Variants in SMOC2 observed in about 807,000 individuals in gnomAD.
SMOC2 encodes the protein SPARC related modular calcium binding 2.
In SMOC2, 39 loss-of-function variants were observed where a neutral mutation model predicts 61.4. The ratio of observed to expected loss-of-function variants is 0.64; its 90% CI spans 0.49 to 0.83. SMOC2 has a LOEUF of 0.83. Among genes scored for constraint, SMOC2 ranks in the 40% least tolerant of loss-of-function variants. The probability of loss-of-function intolerance (pLI) is 0.00; values close to 1 mark genes in which losing one functional copy is unlikely to be tolerated. For synonymous variants in SMOC2, 247 were observed against 239.9 expected, an observed-to-expected ratio of 1.03 and a Z score of -0.27; for missense variants, 556 against 592.9, an observed-to-expected ratio of 0.94 and a Z score of 0.65.
intron 9 of SMOC2, among the ~76,000 whole-genome samples, chr6:168,618,446 AGTGGCATTAGGAGAGTGGAGGAGAGGC>A (rs1459516774): frequency 2.0e-5 from 3 of 146,986 alleles, no homozygotes; most frequent in African/African-American, 7.7e-5. Flanking sequence ...AGAGGCGGGT[AGTGGCATTAGGAGAGTGGAGGAGAGGC>A]GGGTAGTGGC....
intron 1 of SMOC2, among the ~76,000 whole-genome samples, chr6:168,462,211 T>G (rs1781733731): frequency 6.6e-6 from 1 of 152,120 alleles, no homozygotes; most frequent in Non-Finnish European, 1.5e-5. Flanking sequence ...CAGTTTAGCT[T>G]GCTTTTAGGA....
chr6:168,531,071 T>C (rs987678511), intron 4 of SMOC2, among the ~76,000 whole-genome samples: 5 of 151,846 alleles, frequency 3.3e-5, no homozygotes, highest in Non-Finnish European at 7.4e-5. Context: ...CAACCACAAA[T>C]CCTCCCACAG....
chr6:168,471,869 A>G (rs1169955264), intron 1 of SMOC2, among the ~76,000 whole-genome samples: 1 of 152,122 alleles, frequency 6.6e-6, no homozygotes, highest in Non-Finnish European at 1.5e-5. Context: ...TTCTTATTCA[A>G]GTCCTGTGCC....
chr6:168,650,231 C>A, intron 9 of SMOC2, among the ~76,000 whole-genome samples: 1 of 152,120 alleles, frequency 6.6e-6, no homozygotes, highest in Non-Finnish European at 1.5e-5. Context: ...CTACTGCCTC[C>A]TTTTGCTCTG....
intron 8 of SMOC2, among the ~76,000 whole-genome samples, chr6:168,599,388 T>A (rs199627244): frequency 3.5e-4 from 27 of 76,846 alleles, no homozygotes; most frequent in Admixed American, 2.2e-3. Flanking sequence ...ACACCCACAC[T>A]CACACACACA....
intron 8 of SMOC2, among the ~76,000 whole-genome samples, chr6:168,600,073 T>C (rs1785499461): frequency 6.6e-6 from 1 of 152,130 alleles, no homozygotes; most frequent in African/African-American, 2.4e-5. Context: ...CACCCAACGC[T>C]GGGTGATGCT....
chr6:168,494,155 A>G (rs565710864), intron 1 of SMOC2, among the ~76,000 whole-genome samples: 3 of 152,324 alleles, frequency 2.0e-5, no homozygotes, highest in East Asian at 3.9e-4. Context: ...GATGTTACTA[A>G]GAGCAGTTTT....
chr6:168,509,010 G>A (rs9456148), intron 1 of SMOC2, among the ~76,000 whole-genome samples: 1,566 of 152,314 alleles, frequency 0.01, 30 homozygotes, highest in African/African-American at 0.036. Context: ...CTTCACCTTG[G>A]TGTCTGGTGT....
intron 7 of SMOC2, among the ~76,000 whole-genome samples, chr6:168,583,073 CTACT>C (rs1222185675): frequency 1.3e-5 from 2 of 152,354 alleles, no homozygotes; most frequent in South Asian, 2.1e-4. Flanking sequence ...AGGAGCCATG[CTACT>C]TACTTAAGAA....
intron 9 of SMOC2, among the ~76,000 whole-genome samples, chr6:168,618,558 C>T (rs1227124232): frequency 6.7e-5 from 9 of 135,050 alleles, no homozygotes; most frequent in Admixed American, 3.0e-4. Flanking sequence ...GGCATTAAAA[C>T]GAGGGTCGAG....
chr6:168,651,321 C>G (rs980940868), intron 10 of SMOC2, among the ~76,000 whole-genome samples: 4 of 152,068 alleles, frequency 2.6e-5, no homozygotes, highest in Non-Finnish European at 5.9e-5. Context: ...TCCTTGAGTA[C>G]CTGGTAGGCA....
intron 7 of SMOC2, among the ~76,000 whole-genome samples, chr6:168,569,186 G>A (rs1784612287): frequency 6.6e-6 from 1 of 152,174 alleles, no homozygotes; most frequent in Non-Finnish European, 1.5e-5. Flanking sequence ...AGCCTCCCCA[G>A]CAGCTGGTGT....
At chr6:168,532,371 G>C (rs1009476154) in intron 4 of SMOC2, among the ~76,000 whole-genome samples, 4 of 152,156 alleles carry the variant, frequency 2.6e-5, no homozygotes, top group Non-Finnish European at 5.9e-5. Flanking sequence ...AGACAGAGTT[G>C]GTTCTTATTT....
intron 7 of SMOC2, among the ~76,000 whole-genome samples, chr6:168,576,732 G>A (rs1344043022): frequency 6.6e-6 from 1 of 152,062 alleles, no homozygotes; most frequent in Non-Finnish European, 1.5e-5. Flanking sequence ...GAGGAAACAA[G>A]GCAGAAGCAA....
intron 9 of SMOC2, among the ~76,000 whole-genome samples, chr6:168,638,828 G>C (rs1438935443): frequency 6.6e-6 from 1 of 152,164 alleles, no homozygotes; most frequent in Non-Finnish European, 1.5e-5. Context: ...TGAGATTCAA[G>C]CCAGGAAAAG....
intron 7 of SMOC2, among the ~76,000 whole-genome samples, chr6:168,576,463 C>G (rs937469771): frequency 2.6e-5 from 4 of 152,058 alleles, no homozygotes; most frequent in Non-Finnish European, 5.9e-5. Flanking sequence ...GAGTGCAAGG[C>G]CAGAGAACAC....
intron 2 of SMOC2, among the ~76,000 whole-genome samples, chr6:168,524,480 G>A (rs532117504): frequency 3.3e-5 from 5 of 152,274 alleles, no homozygotes; most frequent in African/African-American, 1.2e-4. Flanking sequence ...AGAAGTCCAC[G>A]CCAAGAATGG....
intron 1 of SMOC2, among the ~76,000 whole-genome samples, chr6:168,489,592 A>G (rs1782421923): frequency 6.8e-6 from 1 of 147,980 alleles, no homozygotes; most frequent in Non-Finnish European, 1.5e-5. Context: ...TTTTAGAATG[A>G]AATATATCAA....
intron 9 of SMOC2, among the ~76,000 whole-genome samples, chr6:168,639,656 T>C (rs548088330): frequency 9.5e-4 from 144 of 152,366 alleles, no homozygotes; most frequent in Admixed American, 2.2e-3. Flanking sequence ...GAGGAACTGT[T>C]CTTAAATGAA....
Sources: gnomAD v4.1 joint callset for allele counts (sites outside exome capture counted in the v4.1 genomes callset) on GRCh38, gnomAD v4.1.1 for gene constraint, MANE v1.5 for transcripts, NCBI Gene and HGNC (gene_info 2026-07-23, HGNC 2026-07-21) for gene names.